The following NF1 variants were observed in gnomAD, a reference collection of about 807,000 sequenced individuals.
NF1 encodes the protein neurofibromin.
A neutral mutation model predicts 325.7 loss-of-function variants in NF1; 122 were observed. That is an observed-to-expected ratio of 0.37 (90% CI 0.32 to 0.44). NF1 has a LOEUF of 0.44. Among genes scored for constraint, NF1 ranks in the 20% least tolerant of loss-of-function variants. NF1 has a pLI of 1.00. For synonymous variants in NF1, 1,091 were observed against 1,186.0 expected (o/e 0.92, Z 1.65); for missense variants, 2,140 against 3,415.4 (o/e 0.63, Z 9.31).
intron 8 of NF1, among the ~76,000 whole-genome samples, chr17:31,197,992 G>A (rs1053572635): frequency 6.6e-6 from 1 of 152,126 alleles, no homozygotes; most frequent in Admixed American, 6.5e-5. Context: ...CCTAGCTTGA[G>A]TGTTTTTTTA....
At chr17:31,220,970 T>C (rs2143998312) in intron 14 of NF1, among the ~76,000 whole-genome samples, 1 of 152,298 alleles carries the variant, frequency 6.6e-6, no homozygotes, top group East Asian at 1.9e-4. Context: ...TTTCATTAAA[T>C]ATCTCAAAGT....
intron 1 of NF1, among the ~76,000 whole-genome samples, chr17:31,130,332 G>A (rs1254709761): frequency 1.3e-5 from 2 of 152,176 alleles, no homozygotes; most frequent in Non-Finnish European, 2.9e-5. Flanking sequence ...CGTGGGTTGT[G>A]CCAGCCAAAG....
intron 4 of NF1, among the ~76,000 whole-genome samples, chr17:31,165,363 T>G (rs775870435): frequency 2.6e-5 from 4 of 152,218 alleles, no homozygotes; most frequent in Admixed American, 6.5e-5. Flanking sequence ...AACTGCATTT[T>G]CAGTTCCATT....
intron 36 of NF1, chr17:31,321,624 A>T (rs1436234776): frequency 6.6e-6 from 1 of 152,096 alleles, no homozygotes; most frequent in African/African-American, 2.4e-5. Flanking sequence ...GTAAAAAAGG[A>T]TATGTGCAGC....
At position 31,260,658 on chromosome 17, in the gene NF1, C is replaced by CA. The variant is rs577676752; in HGVS notation, c.4577+150dup. ...TTAGAAAGAGAAAGATTCTTTTTTT[C>CA]AAAAAAATACAAACAAAAGGTTAAG... On this transcript the variant is annotated intron_variant, in intron 34 of 57. Coordinates refer to ENST00000358273, the MANE Select transcript of NF1 (RefSeq NM_001042492.3). 236 of 1,054,288 alleles carry CA rather than the reference C, an allele frequency of 2.2e-4. No individual in the cohort carries two copies. In the African/African-American group the frequency reaches 2.9e-3, roughly 13 times the overall value. 65.3% of individuals were successfully genotyped at this position (1,054,288 alleles called of 1,614,324 possible).
rs71142026 is a variant in NF1 at position 31,154,732 on chromosome 17, C to CTT, written c.61-1230_61-1229dup. On this transcript the variant is annotated intron_variant, in intron 1 of 57. Coordinates refer to ENST00000358273, the MANE Select transcript of NF1 (RefSeq NM_001042492.3). ...CCCCGCCAATTTCATTTAGTATTTC[C>CTT]TTTTTTTTTTTTTTTTTTTTTTATT... 7.2e-3 allele frequency among the ~76,000 whole-genome samples: 749 copies of CTT among 103,400 alleles called. 15 individuals carry two copies. Among genetic ancestry groups the CTT allele is most frequent in the African/African-American group, 0.027 (717 of 26,784 alleles). The allele number at this position is 103,400 out of a possible 152,430, so 67.8% of individuals were successfully genotyped here.
chr17:31,278,998 G>A (rs2068067403), intron 36 of NF1, among the ~76,000 whole-genome samples: 1 of 152,136 alleles, frequency 6.6e-6, no homozygotes, highest in Admixed American at 6.5e-5. Context: ...CAGTGCTTTG[G>A]AAGGCCAAGG....
At chr17:31,222,424 C>G (rs2066941102) in intron 15 of NF1, 1 of 1,032,508 alleles carries the variant, frequency 9.7e-7, no homozygotes, top group African/African-American at 1.7e-5. Context: ...TTATACAAAT[C>G]ATTACATTTT....
intron 12 of NF1, among the ~76,000 whole-genome samples, chr17:31,214,052 G>C (rs1433343640): frequency 6.6e-6 from 1 of 152,088 alleles, no homozygotes; most frequent in Non-Finnish European, 1.5e-5. Flanking sequence ...TTGTATGTAT[G>C]TCTGGGGAAT....
chr17:31,259,111 A>G lies in NF1; in HGVS notation c.4412A>G (p.Asn1471Ser), dbSNP rs876658250. ...MRPFNDFVKS[N>S]FDAARRFFLD... is the part of the protein sequence containing the mutation. ...CCTTTCAATGATTTTGTGAAAAGCA[A>G]CTTTGATGCAGCACGCAGGTAATTT... Residue 1471 changes from asparagine (N) to serine (S), a missense_variant, in exon 33 of 58, where the codon AAC becomes AGC. By Grantham distance (46) the Asn-to-Ser change is conservative (BLOSUM62 1). Around this residue, in one of 10 missense-constraint regions of NF1, gnomAD observed 336 missense variants for 399.0 expected, o/e 0.84. Coordinates refer to ENST00000358273, the MANE Select transcript of NF1 (RefSeq NM_001042492.3). 2 of 1,602,478 alleles carry G rather than the reference A, an allele frequency of 1.2e-6. No homozygotes were observed. The highest frequency in any genetic ancestry group is 1.7e-6 in the Non-Finnish European group (2 of 1,172,742).
intron 36 of NF1, among the ~76,000 whole-genome samples, chr17:31,311,468 T>G (rs2068873726): frequency 6.6e-6 from 1 of 152,172 alleles, no homozygotes. Flanking sequence ...AGATTAAAAT[T>G]TAGCAGTAGT....
At chr17:31,304,099 T>A in intron 36 of NF1, 1 of 604,678 alleles carries the variant, frequency 1.7e-6, no homozygotes, top group Non-Finnish European at 2.7e-6. Context: ...ATAACTTTTT[T>A]TAAAAAAAAG....
chr17:31,142,112 T>C (rs1916262072), intron 1 of NF1, among the ~76,000 whole-genome samples: 1 of 152,224 alleles, frequency 6.6e-6, no homozygotes, highest in East Asian at 1.9e-4. Flanking sequence ...AATTAACCAT[T>C]GTTCACAGAG....
At chr17:31,265,786 G>A (rs1348671186) in intron 36 of NF1, among the ~76,000 whole-genome samples, 3 of 152,026 alleles carry the variant, frequency 2.0e-5, no homozygotes, top group African/African-American at 4.8e-5. Flanking sequence ...TAATTCAAAG[G>A]AGTGGTGAAA....
At chr17:31,338,423 C>T (rs755389857) in intron 45 of NF1, among the ~76,000 whole-genome samples, 3 of 152,044 alleles carry the variant, frequency 2.0e-5, no homozygotes, top group Non-Finnish European at 2.9e-5. Context: ...TAGTATTTTA[C>T]CAGTTTTCAA....
chr17:31,118,789 C>T (rs1914176887), intron 1 of NF1, among the ~76,000 whole-genome samples: 1 of 152,042 alleles, frequency 6.6e-6, no homozygotes, highest in Non-Finnish European at 1.5e-5. Context: ...GATTTATAAT[C>T]CTTTGGGTAT....
chr17:31,217,919 C>A (rs2066849116), intron 13 of NF1, among the ~76,000 whole-genome samples: 1 of 138,520 alleles, frequency 7.2e-6, no homozygotes. Flanking sequence ...GAGCCGAGAT[C>A]ACGCCATTGC....
chr17:31,333,632 T>C (rs2069563123), intron 39 of NF1, among the ~76,000 whole-genome samples: 1 of 152,188 alleles, frequency 6.6e-6, no homozygotes, highest in Non-Finnish European at 1.5e-5. Flanking sequence ...GATTAAATTA[T>C]TGGTTCTCCA....
chr17:31,232,247 C>T (rs1432675129), intron 25 of NF1, 58 bp downstream of exon 25: 3 of 1,002,300 alleles, frequency 3.0e-6, no homozygotes, highest in African/African-American at 1.6e-5. Context: ...CCCCACCACA[C>T]AAAAAAAGCA....
Sources: gnomAD v4.1 joint callset for allele counts (sites outside exome capture counted in the v4.1 genomes callset) on GRCh38, gnomAD v4.1.1 for gene constraint, gnomAD v4.1.1 regional missense constraint, MANE v1.5 for transcripts, NCBI Gene and HGNC (gene_info 2026-07-23, HGNC 2026-07-21) for gene names.